ADAMTSL1: variants seen among roughly 807,000 people sequenced by gnomAD.
ADAMTSL1 encodes ADAMTS like 1.
Under a neutral mutation model 201.8 loss-of-function variants are expected in ADAMTSL1, and 126 were observed. The ratio of observed to expected loss-of-function variants is 0.62; its 90% CI spans 0.54 to 0.72. The LOEUF is 0.72. ADAMTSL1 is among the 30% of genes least tolerant of loss of function. The pLI is 0.00. For missense variants in ADAMTSL1, 2,679 were observed against 2,277.8 expected, an observed-to-expected ratio of 1.18 and a Z score of -3.59; for synonymous variants, 1,121 against 903.4, an observed-to-expected ratio of 1.24 and a Z score of -4.32.
At position 18,299,672 on chromosome 9, in the gene ADAMTSL1, G is replaced by A. The variant is rs1390203621; in HGVS notation, c.207+135691G>A. 9.8e-5 allele frequency among the ~76,000 whole-genome samples: 15 copies of A among 152,290 alleles called. No individual in the cohort carries two copies. The East Asian group carries it at 2.9e-3, about 29-fold the overall frequency. On this transcript the variant is annotated intron_variant, in intron 2 of 29. Transcript: ENST00000680146. ...AATTGGCTGCAAAGTCAAGACTGCA[G>A]AACCTGGGTGATGAAGGAGAGCCTG...
At position 18,675,856 on chromosome 9, in the gene ADAMTSL1, G is replaced by A; in HGVS notation, c.1086-1G>A. 6.2e-7 allele frequency: 1 copy of A among 1,613,010 alleles called. No individual in the cohort carries two copies. The highest frequency in any genetic ancestry group is 8.5e-7 in the Non-Finnish European group (1 of 1,179,182). On this transcript the variant is annotated splice_acceptor_variant, in intron 9 of 28. Coordinates refer to ENST00000380548, the MANE Select transcript of ADAMTSL1 (RefSeq NM_001040272.6). LOFTEE classifies it high-confidence loss of function. ...AGGGTTGGCATTATTGTTCCTAACA[G>A]TGACGGATACAAGCAGATCATGCCT...
At chr9:18,382,075 G>A (rs1241252989) in intron 2 of ADAMTSL1, among the ~76,000 whole-genome samples, 2 of 152,158 alleles carry the variant, frequency 1.3e-5, no homozygotes, top group Non-Finnish European at 1.5e-5. Context: ...GCAGACTCAT[G>A]CAATGATTGT....
intron 7 of ADAMTSL1, among the ~76,000 whole-genome samples, chr9:18,656,658 A>G (rs568301796): frequency 1.3e-5 from 2 of 149,532 alleles, no homozygotes; most frequent in Admixed American, 1.3e-4. Context: ...AAATGTTAAG[A>G]CTGAAAAACA....
chr9:18,151,911 A>G (rs3948855), intron 1 of ADAMTSL1, among the ~76,000 whole-genome samples: 66,614 of 151,886 alleles, frequency 0.44, 15,039 homozygotes, highest in Admixed American at 0.54. Context: ...ATGTCCACAC[A>G]CTTTGTCAGC....
At chr9:18,778,756 A>G (rs553202929) in intron 19 of ADAMTSL1, among the ~76,000 whole-genome samples, 17 of 152,358 alleles carry the variant, frequency 1.1e-4, no homozygotes, top group Non-Finnish European at 2.2e-4. Context: ...TCCACACCTT[A>G]TAGAACAGGA....
intron 23 of ADAMTSL1, among the ~76,000 whole-genome samples, chr9:18,861,728 T>A (rs1197487949): frequency 6.6e-6 from 1 of 152,226 alleles, no homozygotes; most frequent in Non-Finnish European, 1.5e-5. Flanking sequence ...GAAAAACCAT[T>A]CGCTCTTTGG....
intron 2 of ADAMTSL1, among the ~76,000 whole-genome samples, chr9:18,383,800 G>C (rs749450857): frequency 6.6e-6 from 1 of 152,180 alleles, no homozygotes; most frequent in Admixed American, 6.6e-5. Context: ...CTCAGGTATG[G>C]AGGAAAAATG....
At chr9:18,167,139 A>G (rs576805696) in intron 2 of ADAMTSL1, among the ~76,000 whole-genome samples, 1 of 152,088 alleles carries the variant, frequency 6.6e-6, no homozygotes, top group South Asian at 2.1e-4. Context: ...AAACGCTTTT[A>G]TTCGTTATTG....
chr9:18,185,557 C>T (rs1828696119), intron 2 of ADAMTSL1, among the ~76,000 whole-genome samples: 1 of 152,074 alleles, frequency 6.6e-6, no homozygotes, highest in South Asian at 2.1e-4. Context: ...GGAAAACTAA[C>T]ACAATTGGTT....
intron 1 of ADAMTSL1, among the ~76,000 whole-genome samples, chr9:17,944,303 T>G (rs191864628): frequency 0.016 from 2,371 of 151,794 alleles, 28 homozygotes; most frequent in Middle Eastern, 0.072. Flanking sequence ...CACTGCTCAA[T>G]GAAATAAAAG....
chr9:18,497,194 G>A (rs1822573788), intron 1 of ADAMTSL1, among the ~76,000 whole-genome samples: 1 of 152,182 alleles, frequency 6.6e-6, no homozygotes, highest in South Asian at 2.1e-4. Flanking sequence ...TCACACCTGA[G>A]GTGAAATAGT....
intron 21 of ADAMTSL1, among the ~76,000 whole-genome samples, chr9:18,824,611 G>T (rs1331272475): frequency 2.0e-5 from 3 of 151,628 alleles, no homozygotes; most frequent in Non-Finnish European, 2.9e-5. Flanking sequence ...CCCAGCTCAG[G>T]GAAAACACTA....
intron 3 of ADAMTSL1, among the ~76,000 whole-genome samples, chr9:18,547,100 C>T (rs1199391152): frequency 6.6e-6 from 1 of 151,982 alleles, no homozygotes; most frequent in Admixed American, 6.6e-5. Context: ...TATAGCAGAT[C>T]GTTTTTGACT....
intron 2 of ADAMTSL1, among the ~76,000 whole-genome samples, chr9:18,242,462 G>A (rs1480582567): frequency 6.6e-6 from 1 of 152,096 alleles, no homozygotes; most frequent in Non-Finnish European, 1.5e-5. Flanking sequence ...AAGCCAGGTT[G>A]TCTACTCTCT....
chr9:18,375,809 TC>T (rs1215691483), intron 2 of ADAMTSL1, among the ~76,000 whole-genome samples: 4 of 152,224 alleles, frequency 2.6e-5, no homozygotes, highest in Non-Finnish European at 5.9e-5. Context: ...CCTGCCCATG[TC>T]CTGCCGATTG....
At chr9:18,891,047 G>A (rs1829233211) in intron 25 of ADAMTSL1, among the ~76,000 whole-genome samples, 1 of 152,006 alleles carries the variant, frequency 6.6e-6, no homozygotes, top group Non-Finnish European at 1.5e-5. Context: ...TCTGCGTTCA[G>A]TCATCCCTCC....
At chr9:18,311,614 G>A (rs1352119488) in intron 2 of ADAMTSL1, among the ~76,000 whole-genome samples, 1 of 152,082 alleles carries the variant, frequency 6.6e-6, no homozygotes, top group African/African-American at 2.4e-5. Context: ...CAAGTCTCAG[G>A]AAGGCTACAG....
intron 18 of ADAMTSL1, 40 bp from the exon 19 acceptor site, chr9:18,776,741 C>T (rs1025659808): frequency 1.3e-6 from 2 of 1,503,210 alleles, no homozygotes; most frequent in African/African-American, 1.4e-5. Flanking sequence ...TCTCTCTCCC[C>T]ACCTCTTTCT....
chr9:18,411,998 G>A (rs914106295), intron 2 of ADAMTSL1, among the ~76,000 whole-genome samples: 2 of 152,144 alleles, frequency 1.3e-5, no homozygotes, highest in Admixed American at 6.5e-5. Context: ...GTCTCTTAAA[G>A]CTTCTTTATA....
Sources: gnomAD v4.1 joint callset for allele counts (sites outside exome capture counted in the v4.1 genomes callset) on GRCh38, gnomAD v4.1.1 for gene constraint, MANE v1.5 for transcripts, NCBI Gene and HGNC (gene_info 2026-07-23, HGNC 2026-07-21) for gene names.